ENO4: variants seen among roughly 807,000 people sequenced by gnomAD.
The protein encoded by ENO4 is 2-phospho-D-glycerate hydro-lyase.
Under a neutral mutation model 63.2 loss-of-function variants are expected in ENO4, and 53 were observed. The ratio of observed to expected loss-of-function variants is 0.84; its 90% confidence interval spans 0.67 to 1.05. The LOEUF is 1.05. ENO4 is among the 50% of genes least tolerant of loss of function. The pLI is 0.00. For synonymous variants in ENO4, 266 were observed against 283.8 expected (o/e 0.94, Z 0.63); for missense variants, 719 against 772.0 (o/e 0.93, Z 0.81).
At chr10:116,910,406 A>G (rs1391657421) in intron 10 of ENO4, among the ~76,000 whole-genome samples, 1 of 152,232 alleles carries the variant, frequency 6.6e-6, no homozygotes, top group East Asian at 1.9e-4. Context: ...TTTATAACTT[A>G]TAAATTATTT....
intron 2 of ENO4, 87 bp from the exon 3 acceptor site, chr10:116,856,405 T>A: frequency 9.3e-7 from 1 of 1,081,078 alleles, no homozygotes; most frequent in Non-Finnish European, 1.3e-6. Flanking sequence ...GTGGTAAAAT[T>A]TCATGCATGT....
downstream of ENO4, chr10:116,884,193 A>AT (rs1424893530): frequency 3.3e-5 from 15 of 456,684 alleles, no homozygotes; most frequent in Admixed American, 2.8e-4. Context: ...AGCTATGAAC[A>AT]TACCTTGCAG....
intron 3 of ENO4, among the ~76,000 whole-genome samples, chr10:116,857,011 C>G (rs1846284018): frequency 1.3e-5 from 2 of 150,710 alleles, no homozygotes; most frequent in Admixed American, 6.6e-5. Context: ...AAAAGAAAAT[C>G]AAGTACAAAT....
At chr10:116,873,785 G>T (rs1198951857) in intron 9 of ENO4, 1 of 800,484 alleles carries the variant, frequency 1.2e-6, no homozygotes, top group Non-Finnish European at 1.5e-6. Flanking sequence ...AAGTCTAACA[G>T]ATTATTCCCC....
chr10:116,894,860 G>A (rs944191641), intron 10 of ENO4, among the ~76,000 whole-genome samples: 4 of 152,072 alleles, frequency 2.6e-5, no homozygotes, highest in African/African-American at 9.7e-5. Flanking sequence ...AAAGCAAGAG[G>A]GCAAGAAAAC....
At chr10:116,887,024 A>ACCT (rs1364165886), downstream of ENO4, among the ~76,000 whole-genome samples, 2 of 151,626 alleles carry the variant, frequency 1.3e-5, no homozygotes, top group African/African-American at 4.9e-5. Context: ...GGACAAGGGG[A>ACCT]GTAATCACCC....
At position 116,907,048 on chromosome 10, in the gene ENO4, G is replaced by A. The variant is rs554376035; in HGVS notation, c.1195-4451G>A. Among the ~76,000 whole-genome samples the A allele has an allele frequency of 1.4e-4, 22 of 152,260 alleles. No homozygotes were observed. The South Asian group carries it at 2.9e-3, about 20-fold the overall frequency. ...ATCAGTGGGAAGGTACCTGCATAGC[G>A]ACGATTAAGACGTGATGTGTGTTGA... On this transcript the variant is annotated intron_variant, in intron 10 of 10. Coordinates refer to the ENO4 transcript ENST00000369207.
At chr10:116,869,283 C>T (rs1458864414) in intron 8 of ENO4, among the ~76,000 whole-genome samples, 7 of 152,100 alleles carry the variant, frequency 4.6e-5, no homozygotes, top group African/African-American at 1.2e-4. Flanking sequence ...ATTGTGAGTG[C>T]GCTGATAGAT....
downstream of ENO4, chr10:116,886,297 G>C (rs1011761833): frequency 1.3e-6 from 2 of 1,551,146 alleles, no homozygotes; most frequent in East Asian, 4.9e-5. Context: ...CTAATCATGT[G>C]CTTATTGAAA....
At chr10:116,878,141 G>A (rs561653773) in intron 11 of ENO4, among the ~76,000 whole-genome samples, 1 of 152,272 alleles carries the variant, frequency 6.6e-6, no homozygotes. Flanking sequence ...CTAATGACTG[G>A]GGTTTCCCAC....
At chr10:116,869,748 T>C (rs1246415348) in intron 8 of ENO4, among the ~76,000 whole-genome samples, 1 of 147,544 alleles carries the variant, frequency 6.8e-6, no homozygotes, top group Non-Finnish European at 1.5e-5. Flanking sequence ...GCCTTCCCTG[T>C]AATAAGCTTT....
chr10:116,874,664 G>A (rs536460154), intron 10 of ENO4, among the ~76,000 whole-genome samples: 4 of 152,096 alleles, frequency 2.6e-5, no homozygotes, highest in Non-Finnish European at 4.4e-5. Flanking sequence ...ATGCATAAAC[G>A]TAACAAAGCC....
Position 116,855,762 on chromosome 10 carries a change from G to A in ENO4, c.294+11G>A. Reference sequence around the variant, plus strand: ...CAAAACTTTCCCAAGGTATGAGGCAGTTTAAGTGTGTTCTTTAATGTCCTG... The same window carrying A: ...CAAAACTTTCCCAAGGTATGAGGCAATTTAAGTGTGTTCTTTAATGTCCTG... On this transcript the variant is annotated intron_variant, in intron 2 of 13. Transcript: ENST00000341276. 6.6e-7 allele frequency: 1 copy of A among 1,525,104 alleles called. No homozygotes were observed. Among genetic ancestry groups the A allele is most frequent in the Non-Finnish European group, 8.8e-7 (1 of 1,139,196 alleles). The allele number at this position is 1,525,104 out of a possible 1,614,324, so 94.5% of individuals were successfully genotyped here.
rs141171204 is a variant in ENO4, at chr10:116,858,652, G to A, written c.486-338G>A. Among the ~76,000 whole-genome samples the A allele has an allele frequency of 2.0e-4, 31 of 152,028 alleles. 1 individual carries two copies. The East Asian group carries it at 6.0e-3, about 29-fold the overall frequency. The stretch of plus-strand genomic sequence containing the variant: ...TTCTTGACACATTTGTTTTCTGATG[G>A]TCATTTATACAAAAAGAAAATACTG... On this transcript the variant is annotated intron_variant, in intron 3 of 13. Transcript: ENST00000341276.
intron 1 of ENO4, among the ~76,000 whole-genome samples, chr10:116,854,274 C>T (rs1438963027): frequency 6.6e-6 from 1 of 152,024 alleles, no homozygotes; most frequent in African/African-American, 2.4e-5. Flanking sequence ...AAAATGAGCC[C>T]ATGTGCCGGG....
chr10:116,850,614 A>C (rs1250257416), intron 1 of ENO4, among the ~76,000 whole-genome samples: 1 of 151,934 alleles, frequency 6.6e-6, no homozygotes, highest in East Asian at 1.9e-4. Context: ...ATGAAGAGGC[A>C]GATGTGCTGT....
At chr10:116,900,627 G>A in intron 10 of ENO4, 1 of 1,523,064 alleles carries the variant, frequency 6.6e-7, no homozygotes, top group African/African-American at 1.4e-5. Flanking sequence ...AATTGCTTTT[G>A]TGTCTGGATA....
chr10:116,892,071 C>T (rs1177341750), intron 10 of ENO4, among the ~76,000 whole-genome samples: 1 of 152,142 alleles, frequency 6.6e-6, no homozygotes, highest in African/African-American at 2.4e-5. Context: ...TCCTTTTTAA[C>T]ATAGGTAACA....
chr10:116,906,180 A>G (rs1420277721), intron 10 of ENO4, among the ~76,000 whole-genome samples: 3 of 152,258 alleles, frequency 2.0e-5, no homozygotes, highest in Non-Finnish European at 4.4e-5. Flanking sequence ...GAATTATCCT[A>G]TGAAGCAGTG....
Sources: allele counts gnomAD v4.1 joint callset (sites outside exome capture counted in the v4.1 genomes callset), GRCh38; gene constraint gnomAD v4.1.1; transcripts MANE v1.5; gene names NCBI Gene and HGNC (gene_info 2026-07-23, HGNC 2026-07-21).